PDE3B: variants seen among roughly 807,000 people sequenced by gnomAD.
The protein encoded by PDE3B is phosphodiesterase 3B.
In PDE3B, 66 loss-of-function variants were observed where a neutral mutation model predicts 116.8. The ratio of observed to expected loss-of-function variants is 0.56; its 90% CI spans 0.46 to 0.69. PDE3B has a LOEUF of 0.69. Among genes scored for constraint, PDE3B ranks in the 30% least tolerant of loss-of-function variants. The probability of loss-of-function intolerance (pLI) is 0.00; values close to 1 mark genes in which losing one functional copy is unlikely to be tolerated. For synonymous variants in PDE3B, 595 were observed against 533.6 expected, an observed-to-expected ratio of 1.12 and a Z score of -1.59; for missense variants, 1,384 against 1,368.1, an observed-to-expected ratio of 1.01 and a Z score of -0.18.
intron 6 of PDE3B, among the ~76,000 whole-genome samples, chr11:14,818,640 C>T (rs1859411138): frequency 6.6e-6 from 1 of 151,806 alleles, no homozygotes; most frequent in Non-Finnish European, 1.5e-5. Flanking sequence ...TACCAGTTTT[C>T]TAGTTCTATG....
At chr11:14,822,827 A>G (rs1253376311) in intron 7 of PDE3B, among the ~76,000 whole-genome samples, 1 of 152,186 alleles carries the variant, frequency 6.6e-6, no homozygotes, top group South Asian at 2.1e-4. Flanking sequence ...TCCCATGTCC[A>G]CAGCACCTTG....
intron 1 of PDE3B, among the ~76,000 whole-genome samples, chr11:14,685,994 T>A (rs1391735267): frequency 1.3e-5 from 2 of 152,152 alleles, no homozygotes; most frequent in Non-Finnish European, 2.9e-5. Flanking sequence ...TAAGTCCATA[T>A]CCTAGAGATG....
chr11:14,894,612 C>T, the PDE3B span, among the ~76,000 whole-genome samples: 1 of 152,286 alleles, frequency 6.6e-6, no homozygotes, highest in East Asian at 1.9e-4. Flanking sequence ...CTGAGTTACC[C>T]CGAGGCAGCC....
intron 14 of PDE3B, among the ~76,000 whole-genome samples, chr11:14,863,149 TTC>T (rs1295144299): frequency 1.3e-5 from 2 of 152,092 alleles, no homozygotes; most frequent in African/African-American, 4.8e-5. Flanking sequence ...GGTTTTCTGT[TTC>T]TGTTTTTGCT....
At chr11:14,764,045 A>G (rs1246473841) in intron 1 of PDE3B, among the ~76,000 whole-genome samples, 1 of 152,134 alleles carries the variant, frequency 6.6e-6, no homozygotes, top group East Asian at 1.9e-4. Context: ...AATGGGCAAG[A>G]TATGGTAAGG....
chr11:14,836,283 T>G (rs924160818), intron 11 of PDE3B, among the ~76,000 whole-genome samples: 38 of 152,136 alleles, frequency 2.5e-4, no homozygotes, highest in African/African-American at 8.4e-4. Flanking sequence ...ACTTTCACAG[T>G]TTTTGCTGAC....
chr11:14,818,278 A>G lies in PDE3B; in HGVS notation c.1618A>G (p.Thr540Ala). The change falls in exon 6 of 16, where the codon ACT becomes GCT. Residue 540 changes from threonine (T) to alanine (A), a missense_variant. This residue lies in a region of PDE3B where 956 missense variants were observed against 806.8 expected (regional missense o/e 1.18). Coordinates refer to ENST00000282096, the MANE Select transcript of PDE3B (RefSeq NM_000922.4). Reference sequence around the variant, plus strand: ...TCGATCACCCATAGAATTTCCTGATACTGCTGATTTTCTTAATAAGCCAAG... The same window carrying G: ...TCGATCACCCATAGAATTTCCTGATGCTGCTGATTTTCTTAATAAGCCAAG... Reference protein sequence around the residue: ...TNRSPIEFPDTADFLNKPSVI... With the variant: ...TNRSPIEFPDAADFLNKPSVI... The G allele has an allele frequency of 2.5e-6, 4 of 1,613,214 alleles. No individual in the cohort carries two copies. Among genetic ancestry groups the G allele is most frequent in the Non-Finnish European group, 3.4e-6 (4 of 1,179,238 alleles).
At chr11:14,684,834 A>G (rs1419277958) in intron 1 of PDE3B, among the ~76,000 whole-genome samples, 1 of 152,102 alleles carries the variant, frequency 6.6e-6, no homozygotes, top group African/African-American at 2.4e-5. Flanking sequence ...GAAGAAAAAT[A>G]TGGCTCTATT....
intron 1 of PDE3B, among the ~76,000 whole-genome samples, chr11:14,685,883 A>G (rs1018068613): frequency 6.6e-6 from 1 of 152,194 alleles, no homozygotes. Flanking sequence ...CTCATTGGTC[A>G]TGGAGTTTTG....
chr11:14,657,802 A>C (rs1351473578), intron 1 of PDE3B, among the ~76,000 whole-genome samples: 1 of 152,232 alleles, frequency 6.6e-6, no homozygotes, highest in East Asian at 1.9e-4. Flanking sequence ...CAGTGCAATT[A>C]ATATTGTAGT....
intron 1 of PDE3B, among the ~76,000 whole-genome samples, chr11:14,682,063 A>G (rs1054380227): frequency 6.6e-6 from 1 of 152,216 alleles, no homozygotes; most frequent in Non-Finnish European, 1.5e-5. Flanking sequence ...TTATTAAGAG[A>G]ATCACAAGGA....
At chr11:14,818,478 C>T in intron 6 of PDE3B, 85 bp downstream of exon 6, 1 of 842,492 alleles carries the variant, frequency 1.2e-6, no homozygotes, top group Non-Finnish European at 1.9e-6. Flanking sequence ...TTCTTGGAAA[C>T]TCCAGCTTTA....
chr11:14,668,567 CA>C (rs994838557), intron 1 of PDE3B, among the ~76,000 whole-genome samples: 1 of 152,072 alleles, frequency 6.6e-6, no homozygotes, highest in Non-Finnish European at 1.5e-5. Flanking sequence ...AAGCATGAAG[CA>C]AAGAGTCTAG....
chr11:14,675,784 A>T, intron 1 of PDE3B, among the ~76,000 whole-genome samples: 1 of 152,160 alleles, frequency 6.6e-6, no homozygotes, highest in East Asian at 1.9e-4. Context: ...TTGTTTATAC[A>T]TTCTTATGTT....
At chr11:14,742,583 C>A (rs776532009) in intron 1 of PDE3B, among the ~76,000 whole-genome samples, 11 of 152,192 alleles carry the variant, frequency 7.2e-5, no homozygotes, top group Non-Finnish European at 1.5e-4. Context: ...AAGCCTACTT[C>A]TGTCTGTCAA....
intron 12 of PDE3B, among the ~76,000 whole-genome samples, chr11:14,856,168 T>C (rs990930014): frequency 1.3e-5 from 2 of 152,204 alleles, no homozygotes; most frequent in African/African-American, 4.8e-5. Context: ...GTCTCCCCTG[T>C]GTGTGCTCTC....
At chr11:14,752,427 A>T (rs895155560) in intron 1 of PDE3B, among the ~76,000 whole-genome samples, 2 of 152,158 alleles carry the variant, frequency 1.3e-5, no homozygotes, top group Non-Finnish European at 2.9e-5. Flanking sequence ...CAAAGAAAAG[A>T]AAAAGAAAGA....
chr11:14,747,944 G>T (rs548628565), intron 1 of PDE3B, among the ~76,000 whole-genome samples: 2 of 152,168 alleles, frequency 1.3e-5, no homozygotes, highest in African/African-American at 4.8e-5. Flanking sequence ...TACCACATAC[G>T]TAATGACAAG....
intron 5 of PDE3B, among the ~76,000 whole-genome samples, chr11:14,809,252 T>C (rs1238195649): frequency 6.6e-6 from 1 of 152,220 alleles, no homozygotes; most frequent in East Asian, 1.9e-4. Context: ...CCAAGAGAAG[T>C]GAAACCGTAG....
Sources: allele counts gnomAD v4.1 joint callset (sites outside exome capture counted in the v4.1 genomes callset), GRCh38; gene constraint gnomAD v4.1.1; regional missense constraint gnomAD v4.1.1; transcripts MANE v1.5; gene names NCBI Gene and HGNC (gene_info 2026-07-23, HGNC 2026-07-21).